CSMD1: variants seen among roughly 807,000 people sequenced by gnomAD.
CSMD1 encodes CUB and sushi domain-containing protein 1.
Under a neutral mutation model 417.5 loss-of-function variants are expected in CSMD1, and 213 were observed. That is an observed-to-expected ratio of 0.51 (90% CI 0.46 to 0.57). The LOEUF (loss-of-function observed/expected upper bound fraction) is 0.57, where lower values mean the gene tolerates loss of function less well. CSMD1 is among the 20% of genes least tolerant of loss of function. The pLI, the probability that CSMD1 is intolerant of heterozygous loss-of-function variation, is 0.00. For synonymous variants in CSMD1, 2,862 were observed against 1,736.8 expected (o/e 1.65, Z -16.11); for missense variants, 6,923 against 4,529.7 (o/e 1.53, Z -15.17).
intron 1 of CSMD1, among the ~76,000 whole-genome samples, chr8:4,807,655 C>A (rs78840285): frequency 2.0e-5 from 3 of 152,080 alleles, no homozygotes; most frequent in Non-Finnish European, 2.9e-5. Context: ...TAATACTGTA[C>A]ATGCACACGT....
intron 12 of CSMD1, among the ~76,000 whole-genome samples, chr8:3,450,744 T>G (rs1161664448): frequency 1.3e-5 from 2 of 152,100 alleles, no homozygotes; most frequent in Non-Finnish European, 2.9e-5. Flanking sequence ...TTCCAAGTCT[T>G]TGCTATTGTG....
intron 49 of CSMD1, among the ~76,000 whole-genome samples, chr8:3,059,974 G>C (rs7818976): frequency 1.7e-4 from 26 of 151,990 alleles, no homozygotes; most frequent in Non-Finnish European, 3.5e-4. Flanking sequence ...TTAGGCAGTG[G>C]GTATTAGGTC....
intron 60 of CSMD1, 134 bp downstream of exon 60, chr8:2,963,088 T>G: frequency 2.1e-6 from 2 of 948,000 alleles, no homozygotes; most frequent in Non-Finnish European, 1.6e-6. Context: ...GTCTCAAGTT[T>G]GAGTTTTTGT....
intron 3 of CSMD1, among the ~76,000 whole-genome samples, chr8:4,313,379 C>T (rs921780499): frequency 1.3e-5 from 2 of 151,970 alleles, no homozygotes; most frequent in African/African-American, 4.8e-5. Context: ...GCGTGACACA[C>T]ACTCTGCTTT....
intron 1 of CSMD1, among the ~76,000 whole-genome samples, chr8:4,981,802 G>T (rs1008630727): frequency 6.6e-6 from 1 of 152,128 alleles, no homozygotes; most frequent in Non-Finnish European, 1.5e-5. Flanking sequence ...CAAACTGACA[G>T]TGATAGGCTA....
Position 3,080,360 on chromosome 8 carries a change from G to T in CSMD1, c.7474+6737C>A, listed in dbSNP as rs570716085. ...TGCTTTAAGGCAGGAAATGAAGCCTGAGGACAGAAGATCTGCCTGGCTTTA... is the reference window on the plus strand; with the variant it reads ...TGCTTTAAGGCAGGAAATGAAGCCTTAGGACAGAAGATCTGCCTGGCTTTA... On this transcript the variant is annotated intron_variant, in intron 49 of 69. Transcript: ENST00000635120. 4.6e-5 allele frequency among the ~76,000 whole-genome samples: 7 copies of T among 152,240 alleles called. No homozygotes were observed. The East Asian group carries it at 1.3e-3, about 29-fold the overall frequency.
intron 6 of CSMD1, among the ~76,000 whole-genome samples, chr8:3,751,800 C>G (rs373165084): frequency 6.6e-6 from 1 of 152,140 alleles, no homozygotes; most frequent in East Asian, 1.9e-4. Context: ...GTTCACTGAT[C>G]AGGTTTGAGA....
chr8:4,469,759 C>T (rs970333352), intron 2 of CSMD1, among the ~76,000 whole-genome samples: 3 of 152,124 alleles, frequency 2.0e-5, no homozygotes, highest in Non-Finnish European at 1.5e-5. Context: ...GGAAGGAGCC[C>T]TTGGAATATG....
At chr8:2,955,323 G>C (rs73657529) in intron 64 of CSMD1, among the ~76,000 whole-genome samples, 144 of 152,094 alleles carry the variant, frequency 9.5e-4, no homozygotes, top group African/African-American at 3.3e-3. Context: ...TTCTCTTTTG[G>C]CTTGAAATAA....
intron 5 of CSMD1, among the ~76,000 whole-genome samples, chr8:3,912,474 T>A (rs1265604421): frequency 1.3e-5 from 2 of 152,116 alleles, no homozygotes; most frequent in Non-Finnish European, 2.9e-5. Context: ...AGAGGCTGCG[T>A]GCTCCTAGAC....
intron 5 of CSMD1, among the ~76,000 whole-genome samples, chr8:3,792,829 G>C (rs1799826167): frequency 6.6e-6 from 1 of 152,168 alleles, no homozygotes; most frequent in African/African-American, 2.4e-5. Context: ...ACTACTCTCT[G>C]TATTTGACTT....
At chr8:4,304,355 A>G (rs912139219) in intron 3 of CSMD1, among the ~76,000 whole-genome samples, 2 of 152,152 alleles carry the variant, frequency 1.3e-5, no homozygotes, top group South Asian at 2.1e-4. Flanking sequence ...GATACATTCC[A>G]TTTGATTATC....
chr8:4,743,955 G>A (rs1426358005), intron 1 of CSMD1, among the ~76,000 whole-genome samples: 1 of 152,212 alleles, frequency 6.6e-6, no homozygotes, highest in Non-Finnish European at 1.5e-5. Context: ...TTCCCAGAGT[G>A]ATTCCATGAG....
chr8:3,492,961 T>A (rs191602881), intron 11 of CSMD1, among the ~76,000 whole-genome samples: 1 of 152,188 alleles, frequency 6.6e-6, no homozygotes, highest in East Asian at 1.9e-4. Context: ...AAAACCCTGA[T>A]AATATAACAT....
At chr8:4,599,884 T>G (rs954769583) in intron 2 of CSMD1, among the ~76,000 whole-genome samples, 1 of 152,160 alleles carries the variant, frequency 6.6e-6, no homozygotes, top group Non-Finnish European at 1.5e-5. Flanking sequence ...TTCAAAGAGT[T>G]TTTTGTAAAC....
intron 1 of CSMD1, among the ~76,000 whole-genome samples, chr8:4,854,336 C>T (rs1198998470): frequency 6.6e-6 from 1 of 152,160 alleles, no homozygotes; most frequent in South Asian, 2.1e-4. Context: ...AAATGGCTTC[C>T]TGCTGTCCTC....
At chr8:4,497,073 C>CT (rs1171790134) in intron 2 of CSMD1, among the ~76,000 whole-genome samples, 1 of 152,168 alleles carries the variant, frequency 6.6e-6, no homozygotes, top group African/African-American at 2.4e-5. Context: ...GTGAGTACTG[C>CT]TAGACAGACG....
At chr8:4,600,807 C>T (rs1191674937) in intron 2 of CSMD1, among the ~76,000 whole-genome samples, 1 of 152,128 alleles carries the variant, frequency 6.6e-6, no homozygotes, top group Non-Finnish European at 1.5e-5. Flanking sequence ...AAATCAATCT[C>T]TCAATCTTGA....
At chr8:2,974,308 T>A (rs1804732338) in intron 56 of CSMD1, 143 bp downstream of exon 56, 1 of 707,254 alleles carries the variant, frequency 1.4e-6, no homozygotes, top group Admixed American at 3.4e-5. Context: ...GCGGCGTATT[T>A]GGCTAGAAAT....
Sources: allele counts gnomAD v4.1 joint callset (sites outside exome capture counted in the v4.1 genomes callset), GRCh38; gene constraint gnomAD v4.1.1; transcripts MANE v1.5; gene names NCBI Gene and HGNC (gene_info 2026-07-23, HGNC 2026-07-21).